Variants in LLGL2 observed in about 807,000 individuals in gnomAD.
The protein encoded by LLGL2 is LLGL2, scribble cell polarity complex component.
Under a neutral mutation model 123.2 loss-of-function variants are expected in LLGL2, and 81 were observed. That is an observed-to-expected ratio of 0.66 (90% CI 0.55 to 0.79). LLGL2 has a LOEUF of 0.79. Ranked by LOEUF, LLGL2 falls within the 30% of genes least tolerant of loss-of-function variation. The pLI, the probability that LLGL2 is intolerant of heterozygous loss-of-function variation, is 0.00. For synonymous variants in LLGL2, 577 were observed against 594.1 expected, an observed-to-expected ratio of 0.97 and a Z score of 0.42; for missense variants, 1,273 against 1,414.6, an observed-to-expected ratio of 0.90 and a Z score of 1.61.
At chr17:75,531,180 G>A (rs1598499351) in intron 1 of LLGL2, among the ~76,000 whole-genome samples, 1 of 152,190 alleles carries the variant, frequency 6.6e-6, no homozygotes, top group South Asian at 2.1e-4. Context: ...ACCTTGCTTG[G>A]GGAGAGGATG....
At chr17:75,542,085 C>T (rs2054233611) in intron 1 of LLGL2, among the ~76,000 whole-genome samples, 1 of 151,852 alleles carries the variant, frequency 6.6e-6, no homozygotes, top group Non-Finnish European at 1.5e-5. Context: ...TTCCTCTGCC[C>T]GAAGACACCC....
At chr17:75,530,350 A>T (rs527709032) in intron 1 of LLGL2, among the ~76,000 whole-genome samples, 123 of 152,232 alleles carry the variant, frequency 8.1e-4, no homozygotes, top group Admixed American at 1.4e-3. Flanking sequence ...AAATTTTTTT[A>T]AAAAATTAGC....
At chr17:75,574,380 G>C (rs987955219) in intron 23 of LLGL2, 73 bp from the exon 24 acceptor site, 9 of 1,539,780 alleles carry the variant, frequency 5.8e-6, no homozygotes, top group Non-Finnish European at 7.9e-6. Context: ...CACCCACGGA[G>C]AAAGGGGGTG....
At chr17:75,548,172 C>T (rs570669537) in intron 2 of LLGL2, among the ~76,000 whole-genome samples, 4 of 151,668 alleles carry the variant, frequency 2.6e-5, no homozygotes, top group Non-Finnish European at 5.9e-5. Flanking sequence ...ATCTAAAACC[C>T]TCTATTCGCA....
In LLGL2 at chr17:75,543,404, G is replaced by T. The variant is rs562852726; in HGVS notation, c.-23G>T. 4 of 1,597,328 alleles carry T rather than the reference G, an allele frequency of 2.5e-6. 1 individual carries two copies. In the African/African-American group the frequency reaches 5.4e-5, roughly 21 times the overall value. ...CTCCTTCTGTTTCTCCAGGTCTCCAGTGGGGGCTGCAGACTAAGCAAAATG... is the reference window on the plus strand; with the variant it reads ...CTCCTTCTGTTTCTCCAGGTCTCCATTGGGGGCTGCAGACTAAGCAAAATG... On this transcript the variant is annotated 5_prime_UTR_variant, in exon 2 of 26. Transcript: ENST00000392550.
At chr17:75,543,095 C>T (rs1385827246) in intron 1 of LLGL2, 2 of 204,634 alleles carry the variant, frequency 9.8e-6, no homozygotes, top group East Asian at 1.1e-4. Context: ...GCTAATTAAC[C>T]TCAGGGCCCG....
intron 2 of LLGL2, among the ~76,000 whole-genome samples, chr17:75,550,243 G>C (rs4076967): frequency 0.33 from 49,876 of 152,174 alleles, 9,018 homozygotes; most frequent in South Asian, 0.57. Flanking sequence ...CAGGGTTGCT[G>C]TGTGTACCTT....
chr17:75,534,467 A>G (rs973951656), intron 1 of LLGL2, among the ~76,000 whole-genome samples: 1 of 152,114 alleles, frequency 6.6e-6, no homozygotes. Flanking sequence ...TGGAATGCAA[A>G]TTGGGGCTTG....
chr17:75,537,215 T>G (rs963652998), intron 1 of LLGL2, among the ~76,000 whole-genome samples: 4 of 152,190 alleles, frequency 2.6e-5, no homozygotes, highest in Non-Finnish European at 5.9e-5. Context: ...TTGCTTCTGA[T>G]TTTTTCTGAC....
chr17:75,569,801 C>CA (rs567857752), intron 14 of LLGL2, among the ~76,000 whole-genome samples, 162 bp from the exon 15 acceptor site: 139 of 130,608 alleles, frequency 1.1e-3, no homozygotes, highest in South Asian at 5.2e-3. Flanking sequence ...AGACTTGTCT[C>CA]AAAAAAAAAA....
chr17:75,539,433 G>T (rs1441629257), intron 1 of LLGL2, among the ~76,000 whole-genome samples: 1 of 146,032 alleles, frequency 6.8e-6, no homozygotes. Flanking sequence ...TAGAGACAGG[G>T]TCTCACTATG....
In LLGL2 at chr17:75,568,668, GGCAGAAC is replaced by G; in HGVS notation, c.1233_1239del (p.Gln411HisfsTer16). The G allele has an allele frequency of 6.2e-7, 1 of 1,613,708 alleles. No individual in the cohort carries two copies. Among genetic ancestry groups the G allele is most frequent in the Non-Finnish European group, 8.5e-7 (1 of 1,179,972 alleles). On this transcript the variant is annotated frameshift_variant, in exon 11 of 26. Coordinates refer to ENST00000392550, the MANE Select transcript of LLGL2 (RefSeq NM_001031803.2). LOFTEE classifies it high-confidence loss of function. ...GAGCGGATCATTGCCGCCGGCAGCCGGCAGAACGCACACTTCTCCACCATGGTAGGTC... is the reference window on the plus strand; with the variant it reads ...GAGCGGATCATTGCCGCCGGCAGCCGGCACACTTCTCCACCATGGTAGGTC...
intron 20 of LLGL2, 74 bp from the exon 21 acceptor site, chr17:75,573,407 C>A: frequency 6.4e-7 from 1 of 1,566,032 alleles, no homozygotes; most frequent in Non-Finnish European, 8.7e-7. Flanking sequence ...GAGCACTAGC[C>A]CCTACTCCCC....
intron 1 of LLGL2, among the ~76,000 whole-genome samples, chr17:75,532,077 C>CACACACACACACACACACACT (rs58220046): frequency 1.4e-4 from 12 of 84,000 alleles, no homozygotes; most frequent in East Asian, 5.5e-4. Context: ...CACACACACA[C>CACACACACACACACACACACT]TTTTTTTTTT....
intron 2 of LLGL2, among the ~76,000 whole-genome samples, chr17:75,547,824 C>CAAAAA (rs34638571): frequency 7.2e-6 from 1 of 139,592 alleles, no homozygotes; most frequent in Non-Finnish European, 1.6e-5. Flanking sequence ...GACCCTGTCT[C>CAAAAA]AAAAAAAAAA....
In LLGL2 at chr17:75,557,007, C is replaced by A. The variant is rs181673573; in HGVS notation, c.173+864C>A. ...TTGTGCCACTGCACTCCAGCCTGGG[C>A]AACAGAGTGAGACTCTGTCTCAAAA... On this transcript the variant is annotated intron_variant, in intron 3 of 25. Transcript: ENST00000392550. 1.2e-4 allele frequency among the ~76,000 whole-genome samples: 18 copies of A among 145,398 alleles called. No homozygotes were observed. In the East Asian group the frequency reaches 3.2e-3, roughly 26 times the overall value.
intron 1 of LLGL2, among the ~76,000 whole-genome samples, chr17:75,538,972 A>G (rs2054108898): frequency 6.6e-6 from 1 of 152,150 alleles, no homozygotes; most frequent in Non-Finnish European, 1.5e-5. Context: ...AGCTCACAGC[A>G]GCCTCAAACT....
At chr17:75,561,169 C>T (rs556150800) in intron 6 of LLGL2, among the ~76,000 whole-genome samples, 82 of 151,380 alleles carry the variant, frequency 5.4e-4, no homozygotes, top group Non-Finnish European at 1.0e-3. Context: ...CTTGATGACA[C>T]TTATCTAAGT....
At position 75,531,909 on chromosome 17, in the gene LLGL2, G is replaced by A. The variant is rs565805731; in HGVS notation, c.-31+6084G>A. Among the ~76,000 whole-genome samples, 4 of 152,244 alleles carry A rather than the reference G, an allele frequency of 2.6e-5. No homozygotes were observed. The East Asian group carries it at 7.7e-4, about 29-fold the overall frequency. Reference sequence around the variant, plus strand: ...CTCTGGGCGTGGGGACGAGGAGGCTGCAAGGCACCTGACTCTACCCTTCAG... The same window carrying A: ...CTCTGGGCGTGGGGACGAGGAGGCTACAAGGCACCTGACTCTACCCTTCAG... On this transcript the variant is annotated intron_variant, in intron 1 of 25. Transcript: ENST00000392550.
Sources: allele counts gnomAD v4.1 joint callset (sites outside exome capture counted in the v4.1 genomes callset), GRCh38; gene constraint gnomAD v4.1.1; transcripts MANE v1.5; gene names NCBI Gene and HGNC (gene_info 2026-07-23, HGNC 2026-07-21).